Variants in FN3KRP observed in about 807,000 individuals in gnomAD.
FN3KRP encodes the protein ketosamine-3-kinase.
In FN3KRP, 33 loss-of-function variants were observed where a neutral mutation model predicts 29.8. That is an observed-to-expected ratio of 1.11 (90% confidence interval 0.84 to 1.48). FN3KRP has a LOEUF of 1.48. Among genes scored for constraint, FN3KRP ranks in the 40% most tolerant of loss-of-function variants. The pLI, the probability that FN3KRP is intolerant of heterozygous loss-of-function variation, is 0.00. For synonymous variants in FN3KRP, 157 were observed against 155.2 expected (o/e 1.01, Z -0.09); for missense variants, 430 against 402.6 (o/e 1.07, Z -0.58).
chr17:82,723,709 C>T (rs2046817852), intron 4 of FN3KRP, among the ~76,000 whole-genome samples: 1 of 152,066 alleles, frequency 6.6e-6, no homozygotes. Context: ...GACTGTGTGC[C>T]TGATGCATGA....
In FN3KRP at chr17:82,726,506, C is replaced by T. The variant is rs774699465; in HGVS notation, c.495C>T (p.Val165=). Residue 165 remains valine, a synonymous_variant, in exon 5 of 6, where the codon GTC becomes GTT. Transcript: ENST00000269373. ...PQVNDWQEDW[V]VFYARQRIQP... ...TGAATGACTGGCAGGAGGACTGGGT[C>T]GTGTTCTATGCCCGGCAGCGCATTC... 26 of 1,613,940 alleles carry T rather than the reference C, an allele frequency of 1.6e-5. No homozygotes were observed. The highest frequency in any genetic ancestry group is 1.0e-4 in the Admixed American group (6 of 59,984).
intron 3 of FN3KRP, 89 bp from the exon 4 acceptor site, chr17:82,722,715 T>C (rs2046806674): frequency 7.6e-7 from 1 of 1,310,640 alleles, no homozygotes; most frequent in South Asian, 1.3e-5. Flanking sequence ...AGGAGCTCGC[T>C]GAGGTCGTGT....
intron 2 of FN3KRP, 140 bp downstream of exon 2, chr17:82,719,197 AGCTGGCTTCATGCCCCGCCCCG>A: frequency 1.3e-6 from 1 of 755,360 alleles, no homozygotes; most frequent in Admixed American, 2.7e-5. Flanking sequence ...ACCACCCCCC[AGCTGGCTTCATGCCCCGCCCCG>A]GCTGGCTTTG....
Position 82,722,875 on chromosome 17 carries a change from T to C in FN3KRP, c.457T>C (p.Tyr153His), listed in dbSNP as rs779522933. 6.2e-7 allele frequency: 1 copy of C among 1,614,090 alleles called. No individual in the cohort carries two copies. Among genetic ancestry groups the C allele is most frequent in the South Asian group, 1.1e-5 (1 of 91,084 alleles). The change falls in exon 4 of 6, where the codon TAC becomes CAC. Residue 153 changes from tyrosine (Y) to histidine (H), a missense_variant. Transcript: ENST00000269373. ...FGFDVVTCCG[Y>H]LPQVNDWQED... ...ATTTGACGTGGTGACGTGCTGTGGA[T>C]ACCTCCCCCAGGTGAGTGCACGGCG...
rs774046877 is a variant in FN3KRP at position 82,719,064 on chromosome 17, C to A, written c.293+7C>A. 7.2e-6 allele frequency: 11 copies of A among 1,527,044 alleles called. No homozygotes were observed. The highest frequency in any genetic ancestry group is 9.6e-6 in the Non-Finnish European group (11 of 1,144,826). 94.6% of individuals were successfully genotyped at this position (1,527,044 alleles called of 1,614,324 possible). A position where few individuals can be genotyped will look rare whatever the true frequency, so the allele number is the denominator to read the frequency against. Reference sequence around the variant, plus strand: ...ACATGAGGCATCTGAGCAGGTGCATCTTCACACCACCCCCCACCTGGCTTT... The same window carrying A: ...ACATGAGGCATCTGAGCAGGTGCATATTCACACCACCCCCCACCTGGCTTT... On this transcript the variant is annotated splice_region_variant and intron_variant, in intron 2 of 5. Transcript: ENST00000269373.
Position 82,720,359 on chromosome 17 carries a change from A to C in FN3KRP, c.381A>C (p.Thr127=), listed in dbSNP as rs201627539. The C allele has an allele frequency of 6.2e-7, 1 of 1,613,102 alleles. No homozygotes were observed. The highest frequency in any genetic ancestry group is 8.5e-7 in the Non-Finnish European group (1 of 1,179,778). The change falls in exon 3 of 6, where the codon ACA becomes ACC. Residue 127 remains threonine, a synonymous_variant. Coordinates refer to ENST00000269373, the MANE Select transcript of FN3KRP (RefSeq NM_024619.4). ...LGEMRLKEAG[T]VGRGGGQEER... The stretch of plus-strand genomic sequence containing the variant: ...AGATGCGCCTGAAGGAGGCGGGCAC[A>C]GTGGGTATGGCACTGCGCGGGCCAC...
At chr17:82,723,560 T>C (rs1457383838) in intron 4 of FN3KRP, among the ~76,000 whole-genome samples, 1 of 144,918 alleles carries the variant, frequency 6.9e-6, no homozygotes, top group East Asian at 1.9e-4. Flanking sequence ...TGTGCGCATA[T>C]GTGTATGTGT....
Position 82,716,708 on chromosome 17 carries a change from C to G in FN3KRP, c.-48C>G, listed in dbSNP as rs1227403908. On this transcript the variant is annotated 5_prime_UTR_variant, in exon 1 of 6. Coordinates refer to ENST00000269373, the MANE Select transcript of FN3KRP (RefSeq NM_024619.4). ...ATGTTTGCCCGCTCGGCCGCCGTCT[C>G]TCGAGTCTCCGCCAGATCCGGGGCG... is the stretch of plus-strand genomic sequence containing the variant. 1 of 1,433,946 alleles carries G rather than the reference C, an allele frequency of 7.0e-7. No individual in the cohort carries two copies. Among genetic ancestry groups the G allele is most frequent in the Non-Finnish European group, 9.1e-7 (1 of 1,099,408 alleles). The allele number at this position is 1,433,946 out of a possible 1,614,324, so 88.8% of individuals were successfully genotyped here.
rs1359396204 is a variant in FN3KRP, at chr17:82,720,295, A to T, written c.317A>T (p.Gln106Leu). Residue 106 changes from glutamine to leucine, a missense_variant, in exon 3 of 6, where the codon CAG becomes CTG. Gln to Leu is a moderately radical substitution (Grantham distance 113). Coordinates refer to ENST00000269373, the MANE Select transcript of FN3KRP (RefSeq NM_024619.4). ...LSSHAAKLGA[Q>L]LADLHLDNKK... ...AGTCATGCTGCAAAGCTTGGAGCCC[A>T]GCTGGCCGATTTACACCTTGATAAC... 1 of 1,614,118 alleles carries T rather than the reference A, an allele frequency of 6.2e-7. No individual in the cohort carries two copies.
At chr17:82,718,300 A>AG (rs2046773855) in intron 1 of FN3KRP, 1 of 523,392 alleles carries the variant, frequency 1.9e-6, no homozygotes, top group Non-Finnish European at 2.4e-6. Flanking sequence ...CTTCTACTCT[A>AG]GGGATCACTG....
intron 4 of FN3KRP, among the ~76,000 whole-genome samples, chr17:82,724,668 C>T (rs2143617691): frequency 6.6e-6 from 1 of 152,066 alleles, no homozygotes; most frequent in South Asian, 2.1e-4. Context: ...TCTTCTGTTA[C>T]ATATGGAACC....
rs985838659 is a variant in FN3KRP, at chr17:82,720,278, T to C, written c.300T>C (p.Ala100=). 2.5e-6 allele frequency: 4 copies of C among 1,613,800 alleles called. No homozygotes were observed. Among genetic ancestry groups the C allele is most frequent in the Middle Eastern group, 1.6e-4 (1 of 6,084 alleles). The part of the protein sequence containing the change: ...HMDMRHLSSH[A]AKLGAQLADL... ...CTGTCGTTTGATTTGACAGTCATGC[T>C]GCAAAGCTTGGAGCCCAGCTGGCCG... Residue 100 remains alanine, a synonymous_variant, in exon 3 of 6, where the codon GCT becomes GCC. Transcript: ENST00000269373.
chr17:82,721,619 C>T (rs1342756804), intron 3 of FN3KRP, among the ~76,000 whole-genome samples: 1 of 151,894 alleles, frequency 6.6e-6, no homozygotes, highest in East Asian at 1.9e-4. Flanking sequence ...TCTCCTGCCT[C>T]AGCCTCCTAA....
At chr17:82,720,478 C>A in intron 3 of FN3KRP, 115 bp downstream of exon 3, 1 of 710,318 alleles carries the variant, frequency 1.4e-6, no homozygotes, top group Non-Finnish European at 2.3e-6. Context: ...GGGCTGATGG[C>A]AGAGCAAGGG....
At position 82,727,248 on chromosome 17, in the gene FN3KRP, G is replaced by C; in HGVS notation, c.*77G>C. ...TGGGCAAATTCTTGTTTCTTCACATGCTGGACTAGCTTAAGACCAATGCAG... is the reference window on the plus strand; with the variant it reads ...TGGGCAAATTCTTGTTTCTTCACATCCTGGACTAGCTTAAGACCAATGCAG... On this transcript the variant is annotated 3_prime_UTR_variant, in exon 6 of 6. Transcript: ENST00000269373. The C allele has an allele frequency of 2.3e-6, 3 of 1,322,566 alleles. No homozygotes were observed. Among genetic ancestry groups the C allele is most frequent in the Non-Finnish European group, 3.2e-6 (3 of 947,650 alleles). The allele number at this position is 1,322,566 out of a possible 1,614,324, so 81.9% of individuals were successfully genotyped here.
Position 82,726,813 on chromosome 17 carries a change from CTCCATTT to C in FN3KRP, c.592-16_592-10del. On this transcript the variant is annotated splice_polypyrimidine_tract_variant and intron_variant, in intron 5 of 5. Transcript: ENST00000269373. ...GCACGCGTTGATCAATTTGCTGAGG[CTCCATTT>C]TCCTCCCTGCAGTTAAAGATCCCTG... 6.6e-7 allele frequency: 1 copy of C among 1,522,342 alleles called. No homozygotes were observed. The highest frequency in any genetic ancestry group is 8.8e-7 in the Non-Finnish European group (1 of 1,136,922). The allele number at this position is 1,522,342 out of a possible 1,614,324, so 94.3% of individuals were successfully genotyped here.
intron 4 of FN3KRP, among the ~76,000 whole-genome samples, chr17:82,723,232 T>C (rs2046810840): frequency 6.6e-6 from 1 of 152,174 alleles, no homozygotes; most frequent in Non-Finnish European, 1.5e-5. Context: ...CCTCCGCATT[T>C]CCACCTGGGG....
intron 1 of FN3KRP, among the ~76,000 whole-genome samples, chr17:82,718,137 CTGTA>C (rs1452786870): frequency 3.6e-5 from 5 of 139,640 alleles, no homozygotes; most frequent in African/African-American, 5.4e-5. Flanking sequence ...TGTTGTGTGT[CTGTA>C]TGTGTTGTGT....
In FN3KRP at chr17:82,727,953, G is replaced by A. The variant is rs1568063617; in HGVS notation, c.*782G>A. On this transcript the variant is annotated 3_prime_UTR_variant, in exon 6 of 6. Transcript: ENST00000269373. ...AGTAAAGAGACATATTTCATGAATGGCATTGATGCTAATAAATCCTTTGCA... is the reference window on the plus strand; with the variant it reads ...AGTAAAGAGACATATTTCATGAATGACATTGATGCTAATAAATCCTTTGCA... 1.3e-5 allele frequency: 2 copies of A among 152,096 alleles called. No individual in the cohort carries two copies. Among genetic ancestry groups the A allele is most frequent in the African/African-American group, 4.8e-5 (2 of 41,382 alleles). 9.4% of individuals were successfully genotyped at this position (152,096 alleles called of 1,614,324 possible). A position where few individuals can be genotyped will look rare whatever the true frequency, so the allele number is the denominator to read the frequency against.
Sources: allele counts gnomAD v4.1 joint callset (sites outside exome capture counted in the v4.1 genomes callset), GRCh38; gene constraint gnomAD v4.1.1; transcripts MANE v1.5; gene names NCBI Gene and HGNC (gene_info 2026-07-23, HGNC 2026-07-21).